The following TRPM3 variants were observed in gnomAD, a reference collection of about 807,000 sequenced individuals.
TRPM3 encodes transient receptor potential cation channel subfamily M member 3.
A neutral mutation model predicts 181.2 loss-of-function variants in TRPM3; 77 were observed. The observed-to-expected ratio is 0.42, with a 90% CI of 0.35 to 0.51. TRPM3 has a LOEUF of 0.51. TRPM3 is among the 20% of genes least tolerant of loss of function. The probability of loss-of-function intolerance (pLI) is 0.01; values close to 1 mark genes in which losing one functional copy is unlikely to be tolerated. For synonymous variants in TRPM3, 745 were observed against 796.4 expected, an observed-to-expected ratio of 0.94 and a Z score of 1.09; for missense variants, 1,759 against 2,196.7, an observed-to-expected ratio of 0.80 and a Z score of 3.98.
At chr9:71,104,499 T>G (rs1033625175) in intron 1 of TRPM3, among the ~76,000 whole-genome samples, 3 of 152,182 alleles carry the variant, frequency 2.0e-5, no homozygotes, top group Non-Finnish European at 4.4e-5. Context: ...GAAAAGTAAT[T>G]AATATTATTA....
At chr9:70,974,310 C>T (rs879107963) in intron 1 of TRPM3, among the ~76,000 whole-genome samples, 1 of 151,972 alleles carries the variant, frequency 6.6e-6, no homozygotes, top group Non-Finnish European at 1.5e-5. Context: ...CAGGTCAAGG[C>T]GGGGGGATCA....
At chr9:71,365,473 C>T (rs2092304137) in intron 1 of TRPM3, among the ~76,000 whole-genome samples, 1 of 152,044 alleles carries the variant, frequency 6.6e-6, no homozygotes, top group Non-Finnish European at 1.5e-5. Context: ...TCTGAAAGTT[C>T]CCCAAATATA....
intron 1 of TRPM3, among the ~76,000 whole-genome samples, chr9:70,904,045 A>T (rs1158446087): frequency 6.6e-6 from 1 of 152,150 alleles, no homozygotes; most frequent in Non-Finnish European, 1.5e-5. Context: ...CAACATGGCG[A>T]AACCTATCTC....
At chr9:70,753,667 G>A (rs557547881) in intron 8 of TRPM3, among the ~76,000 whole-genome samples, 1 of 152,258 alleles carries the variant, frequency 6.6e-6, no homozygotes, top group East Asian at 1.9e-4. Flanking sequence ...TTGATCTCAG[G>A]CTCGTGAACA....
In TRPM3 at chr9:70,616,168, A is replaced by G. The variant is rs897475637; in HGVS notation, c.2359-93T>C. On this transcript the variant is annotated intron_variant, in intron 17 of 25. Transcript: ENST00000677713. ...AATCAGAGAGCCTGAGGTATGGGGT[A>G]TAAGAGTGTATGCGTGTGTGTGTGT... 1.5e-5 allele frequency: 14 copies of G among 943,394 alleles called. No homozygotes were observed. In the African/African-American group the frequency reaches 2.2e-4, roughly 15 times the overall value. The allele number at this position is 943,394 out of a possible 1,614,324, so 58.4% of individuals were successfully genotyped here.
chr9:70,892,837 A>G (rs1398910622), intron 1 of TRPM3, among the ~76,000 whole-genome samples: 1 of 152,210 alleles, frequency 6.6e-6, no homozygotes, highest in African/African-American at 2.4e-5. Context: ...GTGAAATAGA[A>G]AATCAGTTGA....
At chr9:71,013,295 ATCTT>A (rs1381472305) in intron 1 of TRPM3, among the ~76,000 whole-genome samples, 1 of 152,018 alleles carries the variant, frequency 6.6e-6, no homozygotes, top group Non-Finnish European at 1.5e-5. Flanking sequence ...TCCGAAATAA[ATCTT>A]TCTTAGTCAT....
chr9:70,805,444 G>C (rs192314454), intron 6 of TRPM3, among the ~76,000 whole-genome samples: 2,959 of 148,316 alleles, frequency 0.02, 81 homozygotes, highest in African/African-American at 0.068. Flanking sequence ...TAAGGCAGGA[G>C]AATGGCGTGA....
At chr9:70,638,574 C>CAAAA (rs1337150938) in intron 11 of TRPM3, among the ~76,000 whole-genome samples, 2 of 150,412 alleles carry the variant, frequency 1.3e-5, no homozygotes, top group African/African-American at 2.4e-5. Flanking sequence ...CAAAACAAAA[C>CAAAA]CAAAATTTTT....
chr9:70,849,610 G>A (rs7031308), intron 3 of TRPM3, among the ~76,000 whole-genome samples: 55,647 of 151,984 alleles, frequency 0.37, 10,581 homozygotes, highest in Non-Finnish European at 0.38. Context: ...ACAGTGGAAA[G>A]TGACAGAACT....
intron 1 of TRPM3, among the ~76,000 whole-genome samples, chr9:71,088,049 G>A (rs572096568): frequency 6.6e-6 from 1 of 152,112 alleles, no homozygotes; most frequent in Admixed American, 6.6e-5. Context: ...TTGATATTGG[G>A]CTAGGTGCTA....
chr9:71,374,758 G>A (rs1220856696), intron 1 of TRPM3, among the ~76,000 whole-genome samples: 1 of 152,172 alleles, frequency 6.6e-6, no homozygotes, highest in African/African-American at 2.4e-5. Flanking sequence ...GTCTCAGGAT[G>A]TAAAATTAAT....
At chr9:70,571,947 C>T (rs2052515815) in intron 22 of TRPM3, among the ~76,000 whole-genome samples, 1 of 151,702 alleles carries the variant, frequency 6.6e-6, no homozygotes. Flanking sequence ...TTGACTTTGT[C>T]CCCTTCTTTT....
intron 22 of TRPM3, among the ~76,000 whole-genome samples, chr9:70,588,036 A>G (rs1174699647): frequency 6.6e-6 from 1 of 152,224 alleles, no homozygotes; most frequent in Non-Finnish European, 1.5e-5. Context: ...CAGTCTCCAC[A>G]GAGAACTTAG....
intron 3 of TRPM3, among the ~76,000 whole-genome samples, chr9:70,858,973 G>A (rs138449034): frequency 5.9e-4 from 90 of 152,210 alleles, no homozygotes; most frequent in Middle Eastern, 3.4e-3. Context: ...TCAGGGTAAT[G>A]ATAAGGGAGC....
chr9:70,602,106 C>CGTTTTT (rs778037711), intron 20 of TRPM3, among the ~76,000 whole-genome samples: 3 of 128,202 alleles, frequency 2.3e-5, no homozygotes, highest in Non-Finnish European at 4.8e-5. Flanking sequence ...CAAGGCATTC[C>CGTTTTT]TTTTTTTTTT....
At chr9:70,687,833 A>G (rs182587540) in intron 8 of TRPM3, among the ~76,000 whole-genome samples, 11 of 152,364 alleles carry the variant, frequency 7.2e-5, no homozygotes, top group African/African-American at 1.4e-4. Context: ...GTTATTGGGC[A>G]TATTAATTGA....
At chr9:71,120,372 GT>G (rs1000805038) in intron 1 of TRPM3, among the ~76,000 whole-genome samples, 3 of 152,100 alleles carry the variant, frequency 2.0e-5, no homozygotes, top group African/African-American at 7.2e-5. Flanking sequence ...TCTAATTTGT[GT>G]TTTCCCCCCT....
intron 1 of TRPM3, among the ~76,000 whole-genome samples, chr9:71,099,344 C>A (rs2067892507): frequency 6.6e-6 from 1 of 152,100 alleles, no homozygotes; most frequent in African/African-American, 2.4e-5. Flanking sequence ...CTTCTAATAT[C>A]AACACCTTAG....
Sources: gnomAD v4.1 joint callset for allele counts (sites outside exome capture counted in the v4.1 genomes callset) on GRCh38, gnomAD v4.1.1 for gene constraint, MANE v1.5 for transcripts, NCBI Gene and HGNC (gene_info 2026-07-23, HGNC 2026-07-21) for gene names.